AGBL4: variants seen among roughly 807,000 people sequenced by gnomAD.
AGBL4 encodes AGBL carboxypeptidase 4.
Under a neutral mutation model 66.4 loss-of-function variants are expected in AGBL4, and 58 were observed. The ratio of observed to expected loss-of-function variants is 0.87; its 90% CI spans 0.71 to 1.09. AGBL4 has a LOEUF of 1.09. AGBL4 is among the 50% of genes least tolerant of loss of function. AGBL4 has a pLI of 0.00. For synonymous variants in AGBL4, 234 were observed against 222.9 expected (o/e 1.05, Z -0.44); for missense variants, 579 against 631.0 (o/e 0.92, Z 0.88).
intron 3 of AGBL4, among the ~76,000 whole-genome samples, chr1:49,406,537 A>C (rs1645202458): frequency 6.6e-6 from 1 of 152,196 alleles, no homozygotes; most frequent in Non-Finnish European, 1.5e-5. Context: ...AATATATGAT[A>C]ATGTAGTTTT....
At chr1:48,804,841 T>C (rs1211723292) in intron 6 of AGBL4, among the ~76,000 whole-genome samples, 2 of 152,170 alleles carry the variant, frequency 1.3e-5, no homozygotes, top group East Asian at 1.9e-4. Flanking sequence ...GGCAAAATCA[T>C]AGGAAGCTCA....
intron 3 of AGBL4, among the ~76,000 whole-genome samples, chr1:49,382,472 T>G (rs1011250702): frequency 6.6e-6 from 1 of 151,600 alleles, no homozygotes; most frequent in African/African-American, 2.4e-5. Flanking sequence ...CCTTTCATGA[T>G]GAAAAAAAAA....
At chr1:49,838,842 T>C (rs1192891453) in intron 2 of AGBL4, among the ~76,000 whole-genome samples, 6 of 152,132 alleles carry the variant, frequency 3.9e-5, no homozygotes, top group Middle Eastern at 3.2e-3. Flanking sequence ...CCTTAAATTG[T>C]TATTTAAAAA....
At chr1:49,575,526 G>T (rs1217013912) in intron 3 of AGBL4, among the ~76,000 whole-genome samples, 1 of 152,214 alleles carries the variant, frequency 6.6e-6, no homozygotes, top group Non-Finnish European at 1.5e-5. Context: ...TAAAGGACTT[G>T]AAAGATGCAG....
At chr1:49,514,159 C>T (rs1369920004) in intron 3 of AGBL4, among the ~76,000 whole-genome samples, 2 of 151,840 alleles carry the variant, frequency 1.3e-5, no homozygotes, top group African/African-American at 4.8e-5. Context: ...ATCATGTCAT[C>T]TGCAAACAGG....
At chr1:49,148,077 C>T (rs1016283288) in intron 4 of AGBL4, among the ~76,000 whole-genome samples, 1 of 152,190 alleles carries the variant, frequency 6.6e-6, no homozygotes, top group Admixed American at 6.5e-5. Flanking sequence ...GGGTAAATCA[C>T]CTCACTTCTC....
At chr1:49,923,049 C>G (rs540136014) in intron 1 of AGBL4, among the ~76,000 whole-genome samples, 1 of 152,156 alleles carries the variant, frequency 6.6e-6, no homozygotes, top group Non-Finnish European at 1.5e-5. Flanking sequence ...GGAGGCATCA[C>G]GCTACTCGAC....
rs374144898 is a variant in AGBL4, at chr1:48,743,630, C to G, written c.635-80389G>C. ...AAACATTTCAGGAGTTGACTAAGAT[C>G]AGAGATGTGGCTACTGCCACAGCAG... is the stretch of plus-strand genomic sequence containing the variant. On this transcript the variant is annotated intron_variant, in intron 6 of 13. Coordinates refer to ENST00000371839, the MANE Select transcript of AGBL4 (RefSeq NM_032785.4). Among the ~76,000 whole-genome samples, 73 of 152,336 alleles carry G rather than the reference C, an allele frequency of 4.8e-4. 1 individual carries two copies. In the South Asian group the frequency reaches 0.012, roughly 26 times the overall value.
chr1:48,785,493 C>T (rs1173794302), intron 6 of AGBL4, among the ~76,000 whole-genome samples: 1 of 152,192 alleles, frequency 6.6e-6, no homozygotes. Flanking sequence ...TCCTATCTGA[C>T]TGGAACATCA....
intron 3 of AGBL4, among the ~76,000 whole-genome samples, chr1:49,286,174 A>G (rs1003874683): frequency 3.3e-5 from 5 of 152,248 alleles, no homozygotes; most frequent in Admixed American, 6.5e-5. Context: ...CTTCATGCTA[A>G]AAACTCTCAA....
intron 3 of AGBL4, among the ~76,000 whole-genome samples, chr1:49,601,700 A>C (rs2124165853): frequency 6.6e-6 from 1 of 152,332 alleles, no homozygotes; most frequent in African/African-American, 2.4e-5. Context: ...GCAAAAATTA[A>C]CTCAAGATGG....
intron 1 of AGBL4, among the ~76,000 whole-genome samples, chr1:49,893,009 C>T (rs866891845): frequency 3.9e-5 from 6 of 152,152 alleles, no homozygotes; most frequent in Middle Eastern, 3.4e-3. Context: ...AGAAGTCCAG[C>T]CAGGAGACAC....
At chr1:49,675,242 T>C (rs1646556651) in intron 3 of AGBL4, among the ~76,000 whole-genome samples, 1 of 152,064 alleles carries the variant, frequency 6.6e-6, no homozygotes, top group African/African-American at 2.4e-5. Flanking sequence ...AAAGGCCACA[T>C]TGTTGGAATC....
At chr1:49,456,628 T>C (rs937573483) in intron 3 of AGBL4, among the ~76,000 whole-genome samples, 2 of 151,602 alleles carry the variant, frequency 1.3e-5, no homozygotes, top group African/African-American at 2.4e-5. Flanking sequence ...TTTGCTTATA[T>C]GAATGTTATT....
intron 4 of AGBL4, among the ~76,000 whole-genome samples, chr1:49,139,351 T>A (rs1177215273): frequency 6.6e-6 from 1 of 152,132 alleles, no homozygotes; most frequent in African/African-American, 2.4e-5. Context: ...CTCAATGAGG[T>A]AGAGTGGCAC....
At chr1:49,301,656 G>T (rs1005978610) in intron 3 of AGBL4, among the ~76,000 whole-genome samples, 2 of 152,166 alleles carry the variant, frequency 1.3e-5, no homozygotes, top group East Asian at 1.9e-4. Context: ...CCAAGTGGCT[G>T]GTGGGAACAA....
chr1:49,964,919 C>A (rs1451951542), intron 1 of AGBL4, among the ~76,000 whole-genome samples: 1 of 151,990 alleles, frequency 6.6e-6, no homozygotes, highest in East Asian at 1.9e-4. Context: ...GCCTGAACAG[C>A]TGAATGTGAA....
At chr1:49,424,644 G>A (rs74816548) in intron 3 of AGBL4, among the ~76,000 whole-genome samples, 8,092 of 152,226 alleles carry the variant, frequency 0.053, 242 homozygotes, top group African/African-American at 0.071. Context: ...ATATCTTTGT[G>A]GAAAATACTC....
intron 2 of AGBL4, among the ~76,000 whole-genome samples, chr1:49,792,663 G>T (rs1644629089): frequency 6.6e-6 from 1 of 151,832 alleles, no homozygotes; most frequent in Admixed American, 6.6e-5. Flanking sequence ...TCTTACCTCA[G>T]GTTTTTATTA....
Sources: allele counts gnomAD v4.1 joint callset (sites outside exome capture counted in the v4.1 genomes callset), GRCh38; gene constraint gnomAD v4.1.1; transcripts MANE v1.5; gene names NCBI Gene and HGNC (gene_info 2026-07-23, HGNC 2026-07-21).